MAP3K13: variants seen among roughly 807,000 people sequenced by gnomAD.
MAP3K13 encodes the protein mitogen-activated protein kinase kinase kinase 13, also known as leucine zipper-bearing kinase.
In MAP3K13, 52 loss-of-function variants were observed where a neutral mutation model predicts 104.0. The observed-to-expected ratio is 0.50, with a 90% confidence interval of 0.40 to 0.63. MAP3K13 has a LOEUF of 0.63. MAP3K13 is among the 20% of genes least tolerant of loss of function. The probability of loss-of-function intolerance (pLI) is 0.00; values close to 1 mark genes in which losing one functional copy is unlikely to be tolerated. For synonymous variants in MAP3K13, 394 were observed against 442.2 expected (o/e 0.89, Z 1.37); for missense variants, 914 against 1,218.5 (o/e 0.75, Z 3.72).
chr3:185,360,474 T>G (rs938312429), upstream of MAP3K13, among the ~76,000 whole-genome samples: 3 of 152,148 alleles, frequency 2.0e-5, no homozygotes, highest in African/African-American at 7.2e-5. Flanking sequence ...AAGACTGACT[T>G]CTATATCTTC....
chr3:185,321,114 G>A (rs982531340), intron 2 of MAP3K13, among the ~76,000 whole-genome samples: 13 of 150,106 alleles, frequency 8.7e-5, no homozygotes, highest in Non-Finnish European at 1.3e-4. Context: ...ACACATATGC[G>A]TGCACACACA....
In MAP3K13 at chr3:185,472,994, G is replaced by T. The variant is rs1717892056; in HGVS notation, c.1663G>T (p.Glu555Ter). The change falls in exon 11 of 14, where the codon GAA (glutamate) becomes TAA (stop). Residue 555 changes from glutamate to a stop codon, truncating the protein, a stop_gained. Transcript: ENST00000265026. LOFTEE classifies it high-confidence loss of function. ...TCCCAGGCCAGACTTGTTGAGATCA[G>T]AAGGGATCCCCACCACAGAAGTGGC... is the stretch of plus-strand genomic sequence containing the variant. ...QTKRPDLLRS[E>*]GIPTTEVAPT... The T allele has an allele frequency of 6.2e-7, 1 of 1,613,962 alleles. No individual in the cohort carries two copies. The highest frequency in any genetic ancestry group is 8.5e-7 in the Non-Finnish European group (1 of 1,180,002).
At chr3:185,337,302 C>G (rs1722540889) in intron 2 of MAP3K13, among the ~76,000 whole-genome samples, 2 of 152,200 alleles carry the variant, frequency 1.3e-5, no homozygotes, top group Non-Finnish European at 2.9e-5. Context: ...TTTCAAAATA[C>G]ACTTGCAATA....
chr3:185,388,676 C>T (rs745383509), intron 1 of MAP3K13, among the ~76,000 whole-genome samples: 16 of 151,970 alleles, frequency 1.1e-4, no homozygotes, highest in African/African-American at 9.7e-5. Flanking sequence ...CAGAAATAGA[C>T]GAAGCAATCC....
In MAP3K13 at chr3:185,349,535, G is replaced by T. The variant is rs1723062654; in HGVS notation, c.-86+63892G>T. On this transcript the variant is annotated intron_variant, in intron 2 of 14. Coordinates refer to the MAP3K13 transcript ENST00000424227. The stretch of plus-strand genomic sequence containing the variant: ...CTCAAAATGAGAAAGAACAGATTGG[G>T]ATTCAACTAACTGAAGATGGTCTGG... Among the ~76,000 whole-genome samples the T allele has an allele frequency of 3.9e-5, 6 of 152,278 alleles. No individual in the cohort carries two copies. The South Asian group carries it at 1.2e-3, about 32-fold the overall frequency.
chr3:185,416,495 G>A (rs1488713801), intron 1 of MAP3K13, among the ~76,000 whole-genome samples: 1 of 151,894 alleles, frequency 6.6e-6, no homozygotes, highest in African/African-American at 2.4e-5. Context: ...GAGTTATGGC[G>A]AGGTTAGTGA....
intron 7 of MAP3K13, among the ~76,000 whole-genome samples, chr3:185,461,145 T>C (rs1476835029): frequency 6.6e-6 from 1 of 152,186 alleles, no homozygotes; most frequent in Non-Finnish European, 1.5e-5. Context: ...AACCAAACTT[T>C]CGTTTACAGC....
In MAP3K13 at chr3:185,473,127, A is replaced by T; in HGVS notation, c.1796A>T (p.His599Leu). Residue 599 changes from histidine to leucine, a missense_variant, in exon 11 of 14, where the codon CAT (histidine) becomes CTT (leucine). By Grantham distance (99) the His-to-Leu change is moderately conservative. Around this residue, in one of 3 missense-constraint regions of MAP3K13, gnomAD observed 583 missense variants for 737.4 expected, o/e 0.79. Transcript: ENST00000265026. This position sits in a 1 kb window ranked among gnomAD's most constrained non-coding sequence, Gnocchi z 4.9. ...RHRRGNSRGS[H>L]SDFAAILKNQ... ...CGCCGAGGGAATAGCAGAGGCAGCC[A>T]TAGTGACTTTGCCGCAATCTTGAAA... The T allele has an allele frequency of 6.2e-7, 1 of 1,614,204 alleles. No individual in the cohort carries two copies. Among genetic ancestry groups the T allele is most frequent in the Non-Finnish European group, 8.5e-7 (1 of 1,180,038 alleles).
In MAP3K13 at chr3:185,374,053, G is replaced by T. The variant is rs147344546; in HGVS notation, c.-86+10685G>T. ...GATTACAAAGAACCTTCTTAAGGGT[G>T]GGGGAGACTACAAAGTACATTGATC... is the stretch of plus-strand genomic sequence containing the variant. On this transcript the variant is annotated intron_variant, in intron 1 of 13. Coordinates refer to ENST00000265026, the MANE Select transcript of MAP3K13 (RefSeq NM_004721.5). Among the ~76,000 whole-genome samples, 1,196 of 152,152 alleles carry T rather than the reference G, an allele frequency of 7.9e-3. 15 individuals carry two copies. Among genetic ancestry groups the T allele is most frequent in the African/African-American group, 0.028 (1,151 of 41,496 alleles).
rs1560116549 is a variant in MAP3K13 at position 185,454,429 on chromosome 3, T to TGATATATATGAGATATATATATGA, written c.1278+3046_1278+3069dup. Reference sequence around the variant, plus strand: ...ATATATGAGATATATGAGATATATATGATATATATGAGATATATATATGAG... The same window carrying TGATATATATGAGATATATATATGA: ...ATATATGAGATATATGAGATATATATGATATATATGAGATATATATATGAGATATATATGAGATATATATATGAG... On this transcript the variant is annotated intron_variant, in intron 7 of 13. Coordinates refer to ENST00000265026, the MANE Select transcript of MAP3K13 (RefSeq NM_004721.5). Among the ~76,000 whole-genome samples the TGATATATATGAGATATATATATGA allele has an allele frequency of 1.1e-3, 15 of 14,156 alleles. 5 individuals carry two copies. The highest frequency in any genetic ancestry group is 1.8e-3 in the African/African-American group (15 of 8,570). The allele number at this position is 14,156 out of a possible 152,430, so 9.3% of individuals were successfully genotyped here.
intron 2 of MAP3K13, among the ~76,000 whole-genome samples, chr3:185,295,149 A>G (rs1720874277): frequency 1.3e-5 from 2 of 152,092 alleles, no homozygotes; most frequent in Non-Finnish European, 2.9e-5. Context: ...TGGTCTTCCA[A>G]TTCTCTGACA....
At chr3:185,416,598 C>T (rs34057938) in intron 1 of MAP3K13, among the ~76,000 whole-genome samples, 34,194 of 151,792 alleles carry the variant, frequency 0.23, 4,291 homozygotes, top group African/African-American at 0.34. Flanking sequence ...CATCTGAATA[C>T]AGACTGGACA....
At chr3:185,368,500 G>A (rs761863033) in intron 1 of MAP3K13, among the ~76,000 whole-genome samples, 12 of 152,122 alleles carry the variant, frequency 7.9e-5, no homozygotes, top group Non-Finnish European at 1.5e-4. Flanking sequence ...TGGCACAGCA[G>A]GTGCAGTGGA....
At position 185,482,831 on chromosome 3, in the gene MAP3K13, A is replaced by T; in HGVS notation, c.*375A>T. On this transcript the variant is annotated 3_prime_UTR_variant, in exon 14 of 14. Transcript: ENST00000265026. This position sits in a 1 kb window ranked among gnomAD's most constrained non-coding sequence, Gnocchi z 4.5. ...TCTTGCAAAAAAAAAAAGAGATAAA[A>T]GAAAGAACAGAAAAAAAGAAATAAG... The T allele has an allele frequency of 4.2e-6, 1 of 235,902 alleles. No homozygotes were observed. The allele number at this position is 235,902 out of a possible 1,614,324, so 14.6% of individuals were successfully genotyped here.
At chr3:185,466,694 A>T in intron 9 of MAP3K13, 132 bp from the exon 10 acceptor site, 1 of 1,108,846 alleles carries the variant, frequency 9.0e-7, no homozygotes, top group Non-Finnish European at 1.3e-6. Flanking sequence ...TGTTTTTTAA[A>T]CCTGAATAGC....
At chr3:185,437,913 A>G (rs115439079) in intron 3 of MAP3K13, among the ~76,000 whole-genome samples, 178 of 152,296 alleles carry the variant, frequency 1.2e-3, no homozygotes, top group African/African-American at 4.1e-3. Flanking sequence ...CCTGCCAAGC[A>G]GTCAGATCTG....
rs1718660842 is a variant in MAP3K13, at chr3:185,485,214, T to C, written c.*2758T>C. On this transcript the variant is annotated 3_prime_UTR_variant, in exon 14 of 14. Coordinates refer to ENST00000265026, the MANE Select transcript of MAP3K13 (RefSeq NM_004721.5). ...CCTGAGAGGAACAGACCTAGAGGGT[T>C]TCCGCACAGGGCTCATGGATTCGTT... is the stretch of plus-strand genomic sequence containing the variant. 6.6e-6 allele frequency: 1 copy of C among 152,222 alleles called. No homozygotes were observed. The highest frequency in any genetic ancestry group is 1.5e-5 in the Non-Finnish European group (1 of 68,034). 9.4% of individuals were successfully genotyped at this position (152,222 alleles called of 1,614,324 possible).
At position 185,455,477 on chromosome 3, in the gene MAP3K13, T is replaced by TGA. The variant is rs1716513827; in HGVS notation, c.1278+4083_1278+4084dup. ...ATATCATATATATGAGATATATACATGATATATATGAGATATATACATGAG... is the reference window on the plus strand; with the variant it reads ...ATATCATATATATGAGATATATACATGAGATATATATGAGATATATACATGAG... On this transcript the variant is annotated intron_variant, in intron 7 of 13. Transcript: ENST00000265026. Among the ~76,000 whole-genome samples the TGA allele has an allele frequency of 1.2e-4, 11 of 93,386 alleles. No individual in the cohort carries two copies. The East Asian group carries it at 1.6e-3, about 14-fold the overall frequency. 61.3% of individuals were successfully genotyped at this position (93,386 alleles called of 152,430 possible).
At chr3:185,359,132 T>C (rs1023212433), upstream of MAP3K13, among the ~76,000 whole-genome samples, 1 of 152,172 alleles carries the variant, frequency 6.6e-6, no homozygotes, top group African/African-American at 2.4e-5. Context: ...TCCACATGGC[T>C]GGGGAAACCT....
Sources: allele counts gnomAD v4.1 joint callset (sites outside exome capture counted in the v4.1 genomes callset), GRCh38; gene constraint gnomAD v4.1.1; regional missense constraint gnomAD v4.1.1; non-coding constraint Gnocchi (gnomAD v3.1); transcripts MANE v1.5; gene names NCBI Gene and HGNC (gene_info 2026-07-23, HGNC 2026-07-21).